The following SPPL2A variants were observed in gnomAD, a reference collection of about 807,000 sequenced individuals.
SPPL2A encodes signal peptide peptidase like 2A.
In SPPL2A, 51 loss-of-function variants were observed where a neutral mutation model predicts 63.8. The observed-to-expected ratio is 0.80, with a 90% CI of 0.64 to 1.01. The LOEUF (loss-of-function observed/expected upper bound fraction) is 1.01. SPPL2A is among the 50% of genes least tolerant of loss of function. SPPL2A has a pLI of 0.00. For missense variants in SPPL2A, 553 were observed against 622.7 expected, an observed-to-expected ratio of 0.89 and a Z score of 1.19; for synonymous variants, 188 against 205.8, an observed-to-expected ratio of 0.91 and a Z score of 0.74.
intron 6 of SPPL2A, among the ~76,000 whole-genome samples, chr15:50,737,678 CCT>C (rs1353969916): frequency 6.6e-6 from 1 of 152,110 alleles, no homozygotes; most frequent in African/African-American, 2.4e-5. Context: ...CTCTTGAACC[CCT>C]GACCTCAAGT....
At chr15:50,740,074 G>A (rs2062806492) in intron 5 of SPPL2A, among the ~76,000 whole-genome samples, 1 of 152,138 alleles carries the variant, frequency 6.6e-6, no homozygotes, top group Non-Finnish European at 1.5e-5. Flanking sequence ...ACTCTCCAGA[G>A]ATGATCTGTT....
chr15:50,733,561 A>C (rs2062746806), intron 8 of SPPL2A, among the ~76,000 whole-genome samples: 1 of 152,202 alleles, frequency 6.6e-6, no homozygotes, highest in Non-Finnish European at 1.5e-5. Flanking sequence ...CTATGATGCT[A>C]CTTGATGAAA....
intron 9 of SPPL2A, 87 bp downstream of exon 9, chr15:50,732,516 C>T (rs2062739101): frequency 1.1e-5 from 8 of 742,868 alleles, no homozygotes; most frequent in South Asian, 3.7e-5. Flanking sequence ...CAAAAATTGG[C>T]GCATTTAATT....
chr15:50,759,936 T>C (rs1011805810), intron 1 of SPPL2A, among the ~76,000 whole-genome samples: 21 of 152,072 alleles, frequency 1.4e-4, no homozygotes, highest in African/African-American at 5.1e-4. Context: ...GAAAGAGATA[T>C]ATAGCCATTA....
intron 8 of SPPL2A, among the ~76,000 whole-genome samples, chr15:50,733,049 T>C (rs1212125880): frequency 6.6e-6 from 1 of 152,164 alleles, no homozygotes; most frequent in Admixed American, 6.6e-5. Context: ...AGTAGAATAA[T>C]GAATATTATT....
chr15:50,763,810 A>C (rs1388626575), intron 1 of SPPL2A, among the ~76,000 whole-genome samples: 1 of 152,108 alleles, frequency 6.6e-6, no homozygotes, highest in East Asian at 1.9e-4. Context: ...AGGCAGGAGA[A>C]TTGCTTGAAC....
At chr15:50,744,815 A>G (rs1360544840) in intron 5 of SPPL2A, among the ~76,000 whole-genome samples, 2 of 152,192 alleles carry the variant, frequency 1.3e-5, no homozygotes, top group Non-Finnish European at 2.9e-5. Flanking sequence ...CAAACAGTAC[A>G]TTGCATCATT....
intron 8 of SPPL2A, among the ~76,000 whole-genome samples, chr15:50,734,728 A>G (rs1370370316): frequency 6.6e-6 from 1 of 152,234 alleles, no homozygotes; most frequent in Non-Finnish European, 1.5e-5. Flanking sequence ...GATGGATACC[A>G]CTATTACTCT....
At chr15:50,726,452 G>T in intron 10 of SPPL2A, 75 bp from the exon 11 acceptor site, 1 of 1,385,880 alleles carries the variant, frequency 7.2e-7, no homozygotes, top group Non-Finnish European at 1.0e-6. Context: ...TGTGATTTAA[G>T]CCCCATGGCA....
At position 50,706,179 on chromosome 15, in the gene SPPL2A, CAGG is replaced by C. The variant is rs1383946297; in HGVS notation, c.*1618_*1620del. 6 of 151,700 alleles carry C rather than the reference CAGG, an allele frequency of 4.0e-5. No individual in the cohort carries two copies. Among genetic ancestry groups the C allele is most frequent in the Admixed American group, 3.3e-4 (5 of 15,216 alleles). The allele number at this position is 151,700 out of a possible 1,614,324, so 9.4% of individuals were successfully genotyped here. On this transcript the variant is annotated 3_prime_UTR_variant, in exon 15 of 15. Coordinates refer to ENST00000261854, the MANE Select transcript of SPPL2A (RefSeq NM_032802.4). ...GGCCGAGGCGGGCGGATCACGAGGT[CAGG>C]AGATCGAGACCATCCCGGCTAAAAC...
Position 50,757,089 on chromosome 15 carries a change from CT to C in SPPL2A, c.67-7344del, listed in dbSNP as rs57100103. ...GTTCCTCCCACATCCTAAATCCTTT[CT>C]TTTTTTTTTTGAGACAGAGTCTCAC... On this transcript the variant is annotated intron_variant, in intron 1 of 14. Transcript: ENST00000261854. Among the ~76,000 whole-genome samples the C allele has an allele frequency of 2.7e-4, 34 of 128,280 alleles. 1 individual carries two copies. Among genetic ancestry groups the C allele is most frequent in the East Asian group, 5.2e-4 (2 of 3,864 alleles). 84.2% of individuals were successfully genotyped at this position (128,280 alleles called of 152,430 possible).
chr15:50,709,456 TTTTGG>T (rs2062539699), intron 14 of SPPL2A, among the ~76,000 whole-genome samples: 1 of 152,162 alleles, frequency 6.6e-6, no homozygotes, highest in South Asian at 2.1e-4. Flanking sequence ...GAGCTAAGGC[TTTTGG>T]CTGACAACTG....
intron 1 of SPPL2A, among the ~76,000 whole-genome samples, chr15:50,757,989 TAA>T (rs71210386): frequency 2.6e-4 from 16 of 61,306 alleles, no homozygotes; most frequent in Admixed American, 5.5e-4. Flanking sequence ...GTCTCAATTA[TAA>T]AAAAAAAAAA....
At chr15:50,752,293 T>A (rs2141055596) in intron 1 of SPPL2A, among the ~76,000 whole-genome samples, 2 of 152,210 alleles carry the variant, frequency 1.3e-5, no homozygotes, top group Admixed American at 6.5e-5. Flanking sequence ...TATAGCTGGC[T>A]CTTTGTATCC....
At chr15:50,726,270 G>T in intron 11 of SPPL2A, 51 bp downstream of exon 11, 1 of 1,571,832 alleles carries the variant, frequency 6.4e-7, no homozygotes, top group South Asian at 1.1e-5. Context: ...TTATTAACCG[G>T]ATACACATAC....
At chr15:50,725,406 C>G (rs2062678870) in intron 11 of SPPL2A, 83 bp from the exon 12 acceptor site, 1 of 761,886 alleles carries the variant, frequency 1.3e-6, no homozygotes, top group Admixed American at 2.3e-5. Flanking sequence ...GCAATCTTTA[C>G]TCATATCTTT....
chr15:50,732,676 C>G lies in SPPL2A; in HGVS notation c.941G>C (p.Trp314Ser). The change falls in exon 9 of 15, where the codon TGG becomes TCG. Residue 314 changes from tryptophan (W) to serine (S), a missense_variant. Transcript: ENST00000261854. ...AVFRNEDRWA[W>S]ILQDILGIAF... ...AATCCCCAAGATATCCTGTAAAATCCAAGCCCACCTAAAATCAAAAAATAT... is the reference window on the plus strand; with the variant it reads ...AATCCCCAAGATATCCTGTAAAATCGAAGCCCACCTAAAATCAAAAAATAT... 1 of 1,607,386 alleles carries G rather than the reference C, an allele frequency of 6.2e-7. No homozygotes were observed. Among genetic ancestry groups the G allele is most frequent in the Non-Finnish European group, 8.5e-7 (1 of 1,174,938 alleles).
In SPPL2A at chr15:50,720,091, A is replaced by G. The variant is rs749297077; in HGVS notation, c.1337T>C (p.Ile446Thr). The G allele has an allele frequency of 6.2e-7, 1 of 1,609,054 alleles. No homozygotes were observed. Among genetic ancestry groups the G allele is most frequent in the African/African-American group, 1.3e-5 (1 of 74,830 alleles). The stretch of plus-strand genomic sequence containing the variant: ...AACAACAAATGTAAGTATCATGCCA[A>G]TAGCATAGGCTGCAAGAAGAATACC... ...YYVSSTVAYAIGMILTFVVLV... is the reference protein window; with the variant it reads ...YYVSSTVAYATGMILTFVVLV... Residue 446 changes from isoleucine to threonine, a missense_variant, in exon 14 of 15, where the codon ATT becomes ACT. Coordinates refer to ENST00000261854, the MANE Select transcript of SPPL2A (RefSeq NM_032802.4).
chr15:50,740,673 C>T (rs1357830801), intron 5 of SPPL2A, among the ~76,000 whole-genome samples: 3 of 151,846 alleles, frequency 2.0e-5, no homozygotes, highest in East Asian at 3.9e-4. Context: ...TGCAGTGGCG[C>T]GATCTCTGCT....
Sources: gnomAD v4.1 joint callset for allele counts (sites outside exome capture counted in the v4.1 genomes callset) on GRCh38, gnomAD v4.1.1 for gene constraint, MANE v1.5 for transcripts, NCBI Gene and HGNC (gene_info 2026-07-23, HGNC 2026-07-21) for gene names.